The following TET1 variants were observed in gnomAD, a reference collection of about 807,000 sequenced individuals.
TET1 encodes the protein methylcytosine dioxygenase TET1.
TET1 carries 13 observed loss-of-function variants against 148.7 expected under a neutral mutation model. The observed-to-expected ratio is 0.09, with a 90% CI of 0.06 to 0.14. TET1 has a LOEUF of 0.14. Ranked by LOEUF, TET1 falls within the 10% of genes least tolerant of loss-of-function variation. The pLI, the probability that TET1 is intolerant of heterozygous loss-of-function variation, is 1.00. For synonymous variants in TET1, 907 were observed against 937.2 expected, an observed-to-expected ratio of 0.97 and a Z score of 0.59; for missense variants, 2,182 against 2,553.8, an observed-to-expected ratio of 0.85 and a Z score of 3.14.
intron 2 of TET1, among the ~76,000 whole-genome samples, chr10:68,594,905 G>T (rs528369349): frequency 2.2e-4 from 34 of 151,624 alleles, no homozygotes; most frequent in Non-Finnish European, 3.5e-4. Flanking sequence ...CTTGAACCCG[G>T]GAGGCGGAGG....
chr10:68,611,861 GGAGA>G (rs756555621), intron 3 of TET1, among the ~76,000 whole-genome samples: 9 of 88,848 alleles, frequency 1.0e-4, no homozygotes, highest in East Asian at 6.0e-4. Flanking sequence ...GGGGAGAGAG[GGAGA>G]GAGAGAGAGA....
chr10:68,682,853 T>C lies in TET1; in HGVS notation c.4932T>C (p.Val1644=). The part of the protein sequence containing the change: ...AYQNQVEYEN[V]ARECRLGSKE... ...TTTTCTAGGTGGAATATGAAAATGT[T>C]GCCCGAGAATGTCGGCTTGGCAGCA... The change falls in exon 10 of 12, where the codon GTT becomes GTC. Residue 1644 remains valine, a synonymous_variant. Coordinates refer to ENST00000373644, the MANE Select transcript of TET1 (RefSeq NM_030625.3). 4 of 1,613,558 alleles carry C rather than the reference T, an allele frequency of 2.5e-6. No individual in the cohort carries two copies. Among genetic ancestry groups the C allele is most frequent in the Non-Finnish European group, 3.4e-6 (4 of 1,179,896 alleles).
chr10:68,674,105 G>C (rs2055317798), intron 8 of TET1, among the ~76,000 whole-genome samples: 1 of 151,454 alleles, frequency 6.6e-6, no homozygotes, highest in Non-Finnish European at 1.5e-5. Flanking sequence ...GAGATTACAG[G>C]CATGCACCAC....
At position 68,644,742 on chromosome 10, in the gene TET1, C is replaced by G; in HGVS notation, c.2013C>G (p.Ser671=). ...NKPVNGPKSE[S]MDYSRCGHGE... ...CAGTAAATGGCCCCAAGTCAGAATC[C>G]ATGGACTACAGTAGATGTGGTCATG... Residue 671 remains serine, a synonymous_variant, in exon 4 of 12, where the codon TCC becomes TCG. Transcript: ENST00000373644. 6.3e-7 allele frequency: 1 copy of G among 1,593,758 alleles called. No individual in the cohort carries two copies. Among genetic ancestry groups the G allele is most frequent in the Non-Finnish European group, 8.5e-7 (1 of 1,172,896 alleles).
At chr10:68,628,949 A>C in intron 3 of TET1, among the ~76,000 whole-genome samples, 1 of 152,190 alleles carries the variant, frequency 6.6e-6, no homozygotes, top group East Asian at 1.9e-4. Flanking sequence ...CAGCTAAGAA[A>C]CTGACTTTGT....
At chr10:68,568,286 G>A (rs1390946490) in intron 1 of TET1, among the ~76,000 whole-genome samples, 4 of 140,200 alleles carry the variant, frequency 2.9e-5, no homozygotes, top group East Asian at 2.2e-4. Context: ...GCAATGGTGC[G>A]ATCTTGGCTC....
At chr10:68,667,602 G>T (rs1038796296) in intron 7 of TET1, among the ~76,000 whole-genome samples, 3 of 151,976 alleles carry the variant, frequency 2.0e-5, no homozygotes, top group African/African-American at 7.2e-5. Context: ...AAATTAGCCG[G>T]GCGTGGTGGC....
At chr10:68,598,260 G>A (rs141343861) in intron 2 of TET1, among the ~76,000 whole-genome samples, 4 of 152,216 alleles carry the variant, frequency 2.6e-5, no homozygotes, top group South Asian at 2.1e-4. Flanking sequence ...GCGTGATGGC[G>A]CATGTCTGTA....
intron 3 of TET1, among the ~76,000 whole-genome samples, chr10:68,626,244 C>T (rs971222220): frequency 2.6e-5 from 4 of 151,702 alleles, no homozygotes; most frequent in Non-Finnish European, 4.4e-5. Context: ...TCTCTTTACT[C>T]GTTTTTTTAT....
At chr10:68,599,336 T>C (rs533889211) in intron 2 of TET1, among the ~76,000 whole-genome samples, 12 of 152,352 alleles carry the variant, frequency 7.9e-5, no homozygotes, top group African/African-American at 2.9e-4. Flanking sequence ...CCCAGATCTG[T>C]GCAGCTGTCA....
chr10:68,646,634 C>T lies in TET1; in HGVS notation c.3905C>T (p.Pro1302Leu), dbSNP rs1173773603. ...ANQKAHPLTQ[P>L]SSPPNQCANV... ...CAGAAAGCCCATCCTTTGACCCAGCCCTCCTCTCCACCTAACCAGTGTGCT... is the reference window on the plus strand; with the variant it reads ...CAGAAAGCCCATCCTTTGACCCAGCTCTCCTCTCCACCTAACCAGTGTGCT... The change falls in exon 4 of 12, where the codon CCC becomes CTC. Residue 1302 changes from proline to leucine, a missense_variant. By Grantham distance (98) the Pro-to-Leu change is moderately conservative. Around this residue, in one of 11 missense-constraint regions of TET1, gnomAD observed 582 missense variants for 599.5 expected, o/e 0.97. Transcript: ENST00000373644. 6.2e-7 allele frequency: 1 copy of T among 1,614,124 alleles called. No homozygotes were observed. The highest frequency in any genetic ancestry group is 1.7e-5 in the Admixed American group (1 of 60,022).
At chr10:68,648,748 T>C (rs1261240988) in intron 4 of TET1, among the ~76,000 whole-genome samples, 2 of 152,364 alleles carry the variant, frequency 1.3e-5, no homozygotes, top group Admixed American at 6.5e-5. Context: ...TCCATTTCTC[T>C]GCTCATTGTT....
Position 68,686,718 on chromosome 10 carries a change from T to C in TET1, c.5404+11T>C, listed in dbSNP as rs2055516610. ...CACTGCCAACCTTAGGTGAGCCCTA[T>C]GGAACCTGGTAATCTCTGCACAACT... is the stretch of plus-strand genomic sequence containing the variant. On this transcript the variant is annotated intron_variant, in intron 11 of 11. Transcript: ENST00000373644. 6.2e-7 allele frequency: 1 copy of C among 1,602,514 alleles called. No homozygotes were observed. Among genetic ancestry groups the C allele is most frequent in the Non-Finnish European group, 8.5e-7 (1 of 1,173,862 alleles).
intron 3 of TET1, among the ~76,000 whole-genome samples, chr10:68,642,951 A>G (rs546340309): frequency 3.9e-5 from 6 of 152,220 alleles, no homozygotes; most frequent in Non-Finnish European, 8.8e-5. Context: ...CATGTCATGT[A>G]AATTCATCTC....
At chr10:68,666,034 T>C (rs983029102) in intron 6 of TET1, among the ~76,000 whole-genome samples, 2 of 152,182 alleles carry the variant, frequency 1.3e-5, no homozygotes, top group Non-Finnish European at 2.9e-5. Flanking sequence ...ATTAATGTGG[T>C]CAATCTCTGC....
intron 11 of TET1, among the ~76,000 whole-genome samples, chr10:68,687,628 G>A (rs545435598): frequency 4.6e-5 from 7 of 152,074 alleles, no homozygotes; most frequent in African/African-American, 1.7e-4. Context: ...TCTTGCCCAG[G>A]CTCTGGAGTG....
Position 68,573,802 on chromosome 10 carries a change from A to G in TET1, c.1464A>G (p.Leu488=). Residue 488 remains leucine, a synonymous_variant, in exon 2 of 12, where the codon TTA becomes TTG. Coordinates refer to ENST00000373644, the MANE Select transcript of TET1 (RefSeq NM_030625.3). ...CATCAAACTCAGAGAAAAATTCATTACCTCCAGTAATGGCTATAAGCAATG... is the reference window on the plus strand; with the variant it reads ...CATCAAACTCAGAGAAAAATTCATTGCCTCCAGTAATGGCTATAAGCAATG... The part of the protein sequence containing the change: ...QSSSNSEKNS[L]PPVMAISNVE... 1 of 1,613,992 alleles carries G rather than the reference A, an allele frequency of 6.2e-7. No homozygotes were observed. Among genetic ancestry groups the G allele is most frequent in the Non-Finnish European group, 8.5e-7 (1 of 1,180,018 alleles).
At chr10:68,664,784 T>G (rs902296991) in intron 6 of TET1, among the ~76,000 whole-genome samples, 1 of 149,872 alleles carries the variant, frequency 6.7e-6, no homozygotes, top group Non-Finnish European at 1.5e-5. Flanking sequence ...TTTTTTTATT[T>G]TATTTTTTGG....
chr10:68,676,563 C>T (rs140570720), intron 8 of TET1, among the ~76,000 whole-genome samples: 1 of 151,632 alleles, frequency 6.6e-6, no homozygotes, highest in African/African-American at 2.4e-5. Context: ...CGTAAGCCAC[C>T]GTGCCTGACC....
Sources: allele counts gnomAD v4.1 joint callset (sites outside exome capture counted in the v4.1 genomes callset), GRCh38; gene constraint gnomAD v4.1.1; regional missense constraint gnomAD v4.1.1; transcripts MANE v1.5; gene names NCBI Gene and HGNC (gene_info 2026-07-23, HGNC 2026-07-21).